TNIK: variants seen among roughly 807,000 people sequenced by gnomAD.
The protein encoded by TNIK is TRAF2 and NCK interacting kinase, also known as TRAF2 and NCK-interacting protein kinase.
In TNIK, 49 loss-of-function variants were observed where a neutral mutation model predicts 191.3. The observed-to-expected ratio is 0.26, with a 90% confidence interval of 0.20 to 0.32. TNIK has a LOEUF of 0.32. Among genes scored for constraint, TNIK ranks in the 10% least tolerant of loss-of-function variants. TNIK has a pLI of 1.00. For missense variants in TNIK, 1,155 were observed against 1,702.3 expected (o/e 0.68, Z 5.66); for synonymous variants, 594 against 600.9 (o/e 0.99, Z 0.17).
At chr3:171,403,139 G>C (rs1721159815) in intron 1 of TNIK, among the ~76,000 whole-genome samples, 1 of 152,234 alleles carries the variant, frequency 6.6e-6, no homozygotes, top group African/African-American at 2.4e-5. Flanking sequence ...CTAGGGCACA[G>C]ATAGTCCAGC....
intron 2 of TNIK, among the ~76,000 whole-genome samples, chr3:171,302,657 T>A (rs896223427): frequency 6.6e-6 from 1 of 152,244 alleles, no homozygotes; most frequent in Non-Finnish European, 1.5e-5. Context: ...AGAAGTCCTA[T>A]GAATGAATTC....
At chr3:171,437,161 A>G (rs918201367) in intron 1 of TNIK, among the ~76,000 whole-genome samples, 1 of 152,226 alleles carries the variant, frequency 6.6e-6, no homozygotes, top group African/African-American at 2.4e-5. Flanking sequence ...GTCATAGTTC[A>G]TTGCAGTCAT....
chr3:171,119,707 A>T (rs1727352145), intron 18 of TNIK, among the ~76,000 whole-genome samples: 1 of 152,122 alleles, frequency 6.6e-6, no homozygotes, highest in Non-Finnish European at 1.5e-5. Flanking sequence ...AAAAAAAAAC[A>T]AACACTGCAT....
intron 16 of TNIK, among the ~76,000 whole-genome samples, chr3:171,128,210 A>G (rs1288757900): frequency 6.6e-6 from 1 of 152,174 alleles, no homozygotes; most frequent in Non-Finnish European, 1.5e-5. Context: ...CTGCATTTCT[A>G]TCAAGTTCCT....
chr3:171,374,325 C>G (rs1716932764), intron 1 of TNIK, among the ~76,000 whole-genome samples: 1 of 152,224 alleles, frequency 6.6e-6, no homozygotes, highest in Non-Finnish European at 1.5e-5. Flanking sequence ...TTGTAGTAAA[C>G]TGTGCCTCAC....
chr3:171,344,787 T>G (rs1160606773), intron 2 of TNIK, among the ~76,000 whole-genome samples: 2 of 152,088 alleles, frequency 1.3e-5, no homozygotes, highest in African/African-American at 2.4e-5. Context: ...TACAACAAAT[T>G]CACTAAGATG....
In TNIK at chr3:171,328,023, T is replaced by C. The variant is rs77186449; in HGVS notation, c.123+41597A>G. 2.8e-3 allele frequency among the ~76,000 whole-genome samples: 432 copies of C among 151,594 alleles called. 2 individuals carry two copies. Among genetic ancestry groups the C allele is most frequent in the African/African-American group, 9.9e-3 (409 of 41,380 alleles). ...AGGCCAGGCCACTTCTTAGACAAAC[T>C]GCATGTTATAAACTAAATGTCTGTG... On this transcript the variant is annotated intron_variant, in intron 2 of 32. Coordinates refer to ENST00000436636, the MANE Select transcript of TNIK (RefSeq NM_015028.4).
chr3:171,271,598 A>G (rs2109192709), intron 2 of TNIK, among the ~76,000 whole-genome samples: 1 of 152,310 alleles, frequency 6.6e-6, no homozygotes, highest in South Asian at 2.1e-4. Context: ...TCTACCTCTC[A>G]TGTGTTCCCA....
At chr3:171,425,196 A>C (rs1330554107) in intron 1 of TNIK, among the ~76,000 whole-genome samples, 1 of 152,238 alleles carries the variant, frequency 6.6e-6, no homozygotes, top group Non-Finnish European at 1.5e-5. Context: ...TACATGTCCA[A>C]ATATCAAAAG....
In TNIK at chr3:171,338,087, G is replaced by A. The variant is rs927805597; in HGVS notation, c.123+31533C>T. ...GCTCTTCTACGTGGACCTATATTTC[G>A]GTAATTATAATGGTAATGTGGATTG... On this transcript the variant is annotated intron_variant, in intron 2 of 32. Transcript: ENST00000436636. 1.1e-4 allele frequency among the ~76,000 whole-genome samples: 16 copies of A among 152,198 alleles called. No individual in the cohort carries two copies. In the South Asian group the frequency reaches 2.3e-3, roughly 22 times the overall value.
intron 2 of TNIK, among the ~76,000 whole-genome samples, chr3:171,322,524 T>TA (rs1755267827): frequency 6.6e-6 from 1 of 152,138 alleles, no homozygotes; most frequent in Admixed American, 6.5e-5. Context: ...GTGTTTTCTT[T>TA]AAAAAAATAA....
intron 30 of TNIK, among the ~76,000 whole-genome samples, chr3:171,067,620 C>T (rs1400807127): frequency 3.4e-5 from 5 of 147,784 alleles, no homozygotes; most frequent in African/African-American, 1.0e-4. Flanking sequence ...TGCAGTGAGC[C>T]GAGATCACGC....
At chr3:171,260,590 G>A (rs1440056717) in intron 2 of TNIK, among the ~76,000 whole-genome samples, 1 of 152,184 alleles carries the variant, frequency 6.6e-6, no homozygotes, top group African/African-American at 2.4e-5. Context: ...TGTACTATGA[G>A]TTCTGTGGAG....
At chr3:171,349,968 T>C (rs2422223) in intron 2 of TNIK, among the ~76,000 whole-genome samples, 5,948 of 152,244 alleles carry the variant, frequency 0.039, 152 homozygotes, top group Non-Finnish European at 0.059. Context: ...ATGAAATCTT[T>C]CCCAGGGAGC....
chr3:171,261,933 G>C (rs1577283824), intron 2 of TNIK, among the ~76,000 whole-genome samples: 1 of 152,282 alleles, frequency 6.6e-6, no homozygotes, highest in Non-Finnish European at 1.5e-5. Context: ...CATTTGAGCT[G>C]TTTCCTGGAT....
In TNIK at chr3:171,174,093, G is replaced by T. The variant is rs548059366; in HGVS notation, c.773+1159C>A. 2.0e-5 allele frequency among the ~76,000 whole-genome samples: 3 copies of T among 152,274 alleles called. No homozygotes were observed. In the South Asian group the frequency reaches 6.2e-4, roughly 32 times the overall value. On this transcript the variant is annotated intron_variant, in intron 9 of 32. Coordinates refer to ENST00000436636, the MANE Select transcript of TNIK (RefSeq NM_015028.4). The stretch of plus-strand genomic sequence containing the variant: ...ACCAATAGCAACTCTCACTCCCCTC[G>T]CAGGGCCCGGCAATTCTGAGGCTGC...
At chr3:171,115,285 T>TTTGA (rs1199596846) in intron 18 of TNIK, among the ~76,000 whole-genome samples, 8 of 152,236 alleles carry the variant, frequency 5.3e-5, no homozygotes, top group Non-Finnish European at 8.8e-5. Flanking sequence ...GTAGCACTCC[T>TTTGA]TTGATTATTT....
intron 23 of TNIK, among the ~76,000 whole-genome samples, chr3:171,093,274 A>C (rs866631853): frequency 6.6e-6 from 1 of 152,216 alleles, no homozygotes; most frequent in African/African-American, 2.4e-5. Context: ...AAATGAAATG[A>C]TGTTCCTAGA....
At chr3:171,118,741 G>C (rs1313169682) in intron 18 of TNIK, among the ~76,000 whole-genome samples, 7 of 152,110 alleles carry the variant, frequency 4.6e-5, no homozygotes, top group Admixed American at 4.6e-4. Context: ...GCCATATGTA[G>C]AAAGCTGAAA....
Sources: allele counts gnomAD v4.1 joint callset (sites outside exome capture counted in the v4.1 genomes callset), GRCh38; gene constraint gnomAD v4.1.1; transcripts MANE v1.5; gene names NCBI Gene and HGNC (gene_info 2026-07-23, HGNC 2026-07-21).